KCNQ4: variants seen among roughly 807,000 people sequenced by gnomAD.
The protein encoded by KCNQ4 is potassium voltage-gated channel subfamily Q member 4, also known as potassium voltage-gated channel subfamily KQT member 4.
KCNQ4 carries 31 observed loss-of-function variants against 72.6 expected under a neutral mutation model. That is an observed-to-expected ratio of 0.43 (90% CI 0.32 to 0.58). The LOEUF is 0.58. Ranked by LOEUF, KCNQ4 falls within the 20% of genes least tolerant of loss-of-function variation. The pLI, the probability that KCNQ4 is intolerant of heterozygous loss-of-function variation, is 0.08. For missense variants in KCNQ4, 869 were observed against 962.6 expected (o/e 0.90, Z 1.29); for synonymous variants, 405 against 403.7 (o/e 1.00, Z -0.04).
chr1:40,815,642 CAT>C (rs1349964744), intron 1 of KCNQ4, among the ~76,000 whole-genome samples: 3 of 152,170 alleles, frequency 2.0e-5, no homozygotes, highest in Non-Finnish European at 2.9e-5. Flanking sequence ...CTCATTCACT[CAT>C]AACACTTTAC....
intron 8 of KCNQ4, among the ~76,000 whole-genome samples, chr1:40,822,765 T>C (rs1032950404): frequency 2.6e-5 from 4 of 152,204 alleles, no homozygotes; most frequent in Non-Finnish European, 4.4e-5. Context: ...TAGTGGATAT[T>C]GCAGCTGGTT....
In KCNQ4 at chr1:40,835,087, C is replaced by T; in HGVS notation, c.1734C>T (p.Ser578=). The T allele has an allele frequency of 6.2e-7, 1 of 1,613,548 alleles. No individual in the cohort carries two copies. The highest frequency in any genetic ancestry group is 8.5e-7 in the Non-Finnish European group (1 of 1,179,620). The part of the protein sequence containing the change: ...GHLDMLGRIK[S]LQTRVDQIVG... ...TGGACATGCTGGGCCGGATCAAGAG[C>T]CTGCAAACTCGGTGGGTGCACCGGG... Residue 578 remains serine, a synonymous_variant, in exon 12 of 14, where the codon AGC becomes AGT. Transcript: ENST00000347132.
intron 1 of KCNQ4, among the ~76,000 whole-genome samples, chr1:40,816,549 G>A (rs1259689102): frequency 6.6e-6 from 1 of 152,182 alleles, no homozygotes; most frequent in African/African-American, 2.4e-5. Context: ...AGTATTGGAT[G>A]TGCTAGGGTC....
intron 1 of KCNQ4, among the ~76,000 whole-genome samples, chr1:40,787,169 G>A (rs1168100816): frequency 2.0e-5 from 3 of 151,890 alleles, no homozygotes; most frequent in Non-Finnish European, 2.9e-5. Flanking sequence ...TGGGAGGATC[G>A]CTTGAGCCTA....
intron 1 of KCNQ4, among the ~76,000 whole-genome samples, chr1:40,816,567 C>T (rs534209003): frequency 6.6e-6 from 1 of 152,252 alleles, no homozygotes; most frequent in African/African-American, 2.4e-5. Flanking sequence ...GTCTAAAGTT[C>T]CTTCCATTTC....
At position 40,831,221 on chromosome 1, in the gene KCNQ4, C is replaced by T. The variant is rs148048793; in HGVS notation, c.1430C>T (p.Thr477Ile). The T allele has an allele frequency of 2.2e-4, 356 of 1,609,608 alleles. No individual in the cohort carries two copies. The highest frequency in any genetic ancestry group is 1.4e-4 in the Non-Finnish European group (163 of 1,178,194). The change falls in exon 10 of 14, where the codon ACC (threonine) becomes ATC (isoleucine). Residue 477 changes from threonine (T) to isoleucine (I), a missense_variant. Coordinates refer to ENST00000347132, the MANE Select transcript of KCNQ4 (RefSeq NM_004700.4). ...SEQVGEATSP[T>I]KVQKSWSFND... ...CAGGTGGGTGAGGCCACCAGCCCCA[C>T]CAAGGTGCAAAAGAGCTGGAGCTTC...
Position 40,838,619 on chromosome 1 carries a change from C to T in KCNQ4, c.*96C>T, listed in dbSNP as rs988112371. ...TCCGGACTCCTCTCGTACTTGAACT[C>T]ACTCCCTCACGGGGAGAGAGACCAC... On this transcript the variant is annotated 3_prime_UTR_variant, in exon 14 of 14. Coordinates refer to ENST00000347132, the MANE Select transcript of KCNQ4 (RefSeq NM_004700.4). The T allele has an allele frequency of 7.0e-6, 8 of 1,148,910 alleles. No individual in the cohort carries two copies. In the East Asian group the frequency reaches 2.0e-4, roughly 28 times the overall value. The allele number at this position is 1,148,910 out of a possible 1,614,324, so 71.2% of individuals were successfully genotyped here.
In KCNQ4 at chr1:40,783,925, C is replaced by T. The variant is rs1202674909; in HGVS notation, c.-169C>T. 2.7e-5 allele frequency: 4 copies of T among 149,516 alleles called. No individual in the cohort carries two copies. Among genetic ancestry groups the T allele is most frequent in the African/African-American group, 9.8e-5 (4 of 40,908 alleles). 9.3% of individuals were successfully genotyped at this position (149,516 alleles called of 1,614,324 possible). On this transcript the variant is annotated 5_prime_UTR_variant, in exon 1 of 14. Transcript: ENST00000347132. The surrounding 1 kb of genome is among the most constrained non-coding windows in gnomAD (Gnocchi z 4.4). ...AGTGCGGGCTCCGGCGGCCCCCAGGCTCCGAGCGCCCGCCCGCGGCCCCGG... is the reference window on the plus strand; with the variant it reads ...AGTGCGGGCTCCGGCGGCCCCCAGGTTCCGAGCGCCCGCCCGCGGCCCCGG...
intron 1 of KCNQ4, among the ~76,000 whole-genome samples, chr1:40,802,553 C>T (rs972703412): frequency 1.3e-5 from 2 of 151,652 alleles, no homozygotes; most frequent in African/African-American, 4.8e-5. Flanking sequence ...CCGCCCATTT[C>T]CGTAAGCCCC....
chr1:40,784,675 C>T lies in KCNQ4; in HGVS notation c.314+268C>T, dbSNP rs1647185953. ...TCCATCCTGACCGCCAATCTCTGCT[C>T]CTCTGTCCCAGGTACTCCCGACCGC... On this transcript the variant is annotated intron_variant, in intron 1 of 13. Coordinates refer to ENST00000347132, the MANE Select transcript of KCNQ4 (RefSeq NM_004700.4). The surrounding 1 kb of genome is among the most constrained non-coding windows in gnomAD (Gnocchi z 4.1). Among the ~76,000 whole-genome samples, 1 of 152,208 alleles carries T rather than the reference C, an allele frequency of 6.6e-6. No individual in the cohort carries two copies. The highest frequency in any genetic ancestry group is 2.4e-5 in the African/African-American group (1 of 41,458).
At chr1:40,785,644 G>A (rs1009338527) in intron 1 of KCNQ4, among the ~76,000 whole-genome samples, 3 of 151,964 alleles carry the variant, frequency 2.0e-5, no homozygotes, top group Admixed American at 1.3e-4. Flanking sequence ...GCAGTTATCC[G>A]GGTGCCTGTC....
intron 1 of KCNQ4, among the ~76,000 whole-genome samples, chr1:40,801,887 G>A (rs1158178684): frequency 6.6e-6 from 1 of 152,136 alleles, no homozygotes; most frequent in Admixed American, 6.5e-5. Context: ...CCCTTTGCAA[G>A]GACCCGACTT....
chr1:40,792,091 G>T (rs936548985), intron 1 of KCNQ4, among the ~76,000 whole-genome samples: 1 of 152,154 alleles, frequency 6.6e-6, no homozygotes, highest in African/African-American at 2.4e-5. Flanking sequence ...TTGGGCAGTG[G>T]TGGGAGGGTC....
rs1026799120 is a variant in KCNQ4, at chr1:40,817,192, C to T, written c.315-73C>T. 1 of 1,196,824 alleles carries T rather than the reference C, an allele frequency of 8.4e-7. No individual in the cohort carries two copies. The highest frequency in any genetic ancestry group is 1.2e-6 in the Non-Finnish European group (1 of 809,450). 74.1% of individuals were successfully genotyped at this position (1,196,824 alleles called of 1,614,324 possible). ...ATGTTCTCCTCTCTTGGCTCTGTAACCCCCTGCCAGGGGCACCTTGGCTGT... is the reference window on the plus strand; with the variant it reads ...ATGTTCTCCTCTCTTGGCTCTGTAATCCCCTGCCAGGGGCACCTTGGCTGT... On this transcript the variant is annotated intron_variant, in intron 1 of 13. Coordinates refer to ENST00000347132, the MANE Select transcript of KCNQ4 (RefSeq NM_004700.4). The surrounding 1 kb of genome is among the most constrained non-coding windows in gnomAD (Gnocchi z 5.5).
intron 1 of KCNQ4, among the ~76,000 whole-genome samples, chr1:40,811,649 G>A (rs1427423306): frequency 6.6e-6 from 1 of 152,232 alleles, no homozygotes; most frequent in Non-Finnish European, 1.5e-5. Flanking sequence ...ATGGGATGGG[G>A]AGATGGGGGA....
intron 9 of KCNQ4, among the ~76,000 whole-genome samples, chr1:40,825,000 A>G (rs1390878395): frequency 7.2e-5 from 11 of 152,164 alleles, no homozygotes; most frequent in Non-Finnish European, 1.6e-4. Context: ...AGAACAAACA[A>G]TGCTTACCCC....
At chr1:40,790,735 A>G (rs569423878) in intron 1 of KCNQ4, among the ~76,000 whole-genome samples, 10 of 152,340 alleles carry the variant, frequency 6.6e-5, no homozygotes, top group South Asian at 2.1e-4. Flanking sequence ...GCTCCATACC[A>G]GGACCAGGGA....
At chr1:40,819,819 C>G in intron 5 of KCNQ4, 56 bp from the exon 6 acceptor site, 2 of 1,388,166 alleles carry the variant, frequency 1.4e-6, no homozygotes, top group Admixed American at 1.7e-5. Context: ...GTACCCCCAA[C>G]AAGCCGTAGG....
intron 7 of KCNQ4, among the ~76,000 whole-genome samples, chr1:40,820,918 G>A (rs1305092662): frequency 6.6e-6 from 1 of 152,220 alleles, no homozygotes; most frequent in Non-Finnish European, 1.5e-5. Context: ...TCAGGGGTGT[G>A]TGTAAGGGAA....
Sources: gnomAD v4.1 joint callset for allele counts (sites outside exome capture counted in the v4.1 genomes callset) on GRCh38, gnomAD v4.1.1 for gene constraint, Gnocchi (gnomAD v3.1) non-coding constraint, MANE v1.5 for transcripts, NCBI Gene and HGNC (gene_info 2026-07-23, HGNC 2026-07-21) for gene names.